The following HHAT variants were observed in gnomAD, a reference collection of about 807,000 sequenced individuals.
The protein encoded by HHAT is hedgehog acyltransferase, also known as protein-cysteine N-palmitoyltransferase HHAT.
Under a neutral mutation model 70.8 loss-of-function variants are expected in HHAT, and 47 were observed. That is an observed-to-expected ratio of 0.66 (90% CI 0.53 to 0.85). The LOEUF is 0.85. HHAT is among the 40% of genes least tolerant of loss of function. The probability of loss-of-function intolerance (pLI) is 0.00; values close to 1 mark genes in which losing one functional copy is unlikely to be tolerated. For synonymous variants in HHAT, 228 were observed against 247.6 expected (o/e 0.92, Z 0.74); for missense variants, 609 against 604.8 (o/e 1.01, Z -0.07).
intron 11 of HHAT, among the ~76,000 whole-genome samples, chr1:210,667,139 T>C (rs969408960): frequency 1.3e-5 from 2 of 151,528 alleles, no homozygotes; most frequent in Non-Finnish European, 2.9e-5. Context: ...TCCCACCACT[T>C]TGAGAGGCCA....
At chr1:210,431,698 A>G (rs1168114449) in intron 7 of HHAT, among the ~76,000 whole-genome samples, 2 of 151,756 alleles carry the variant, frequency 1.3e-5, no homozygotes, top group Non-Finnish European at 2.9e-5. Flanking sequence ...TCATCCCATG[A>G]TTAGTTGTAA....
At chr1:210,540,102 C>T (rs2095412968) in intron 9 of HHAT, among the ~76,000 whole-genome samples, 1 of 152,168 alleles carries the variant, frequency 6.6e-6, no homozygotes, top group Non-Finnish European at 1.5e-5. Flanking sequence ...AATAGCCACC[C>T]TGATGACTTG....
At chr1:210,350,519 A>G (rs2086919432) in intron 2 of HHAT, among the ~76,000 whole-genome samples, 1 of 152,050 alleles carries the variant, frequency 6.6e-6, no homozygotes, top group African/African-American at 2.4e-5. Context: ...TCAGTATTTC[A>G]TTTTTTGGGT....
intron 11 of HHAT, among the ~76,000 whole-genome samples, chr1:210,657,700 C>T (rs1048234925): frequency 6.6e-6 from 1 of 152,230 alleles, no homozygotes; most frequent in Admixed American, 6.5e-5. Context: ...ACTCTCTTTC[C>T]TTTCCCTTTC....
chr1:210,587,967 AT>A lies in HHAT; in HGVS notation c.1116del (p.Phe372LeufsTer4). ...LGTLFSTAMT[F>X]AFVSYWHGGY... ...GGACACTGTTTTCCACGGCGATGACATTTGCATTTGTGAGCTACTGGCATGG... is the reference window on the plus strand; with the variant it reads ...GGACACTGTTTTCCACGGCGATGACATTGCATTTGTGAGCTACTGGCATGG... On this transcript the variant is annotated frameshift_variant, in exon 10 of 12. Transcript: ENST00000261458. LOFTEE classifies it high-confidence loss of function. The A allele has an allele frequency of 1.9e-6, 3 of 1,614,040 alleles. No individual in the cohort carries two copies. The highest frequency in any genetic ancestry group is 2.5e-6 in the Non-Finnish European group (3 of 1,180,000).
At chr1:210,332,432 A>G (rs1398518068) in intron 1 of HHAT, among the ~76,000 whole-genome samples, 1 of 152,240 alleles carries the variant, frequency 6.6e-6, no homozygotes, top group Non-Finnish European at 1.5e-5. Flanking sequence ...GTCAACCCAG[A>G]TTGCGTACCG....
intron 9 of HHAT, among the ~76,000 whole-genome samples, chr1:210,531,451 A>G (rs1471017049): frequency 6.6e-6 from 1 of 152,220 alleles, no homozygotes; most frequent in Non-Finnish European, 1.5e-5. Context: ...GAACCCAGGC[A>G]GAGGACTGGA....
intron 7 of HHAT, among the ~76,000 whole-genome samples, chr1:210,430,977 T>C (rs2093226235): frequency 6.6e-6 from 1 of 151,880 alleles, no homozygotes; most frequent in African/African-American, 2.4e-5. Context: ...TAATTCTACA[T>C]CTGCAATCTT....
chr1:210,644,163 T>C (rs1558341053), intron 11 of HHAT, among the ~76,000 whole-genome samples: 2 of 152,202 alleles, frequency 1.3e-5, no homozygotes, highest in Non-Finnish European at 2.9e-5. Flanking sequence ...GTAACATTAC[T>C]TGTATACAAC....
intron 7 of HHAT, among the ~76,000 whole-genome samples, chr1:210,423,143 A>T (rs1572336500): frequency 6.6e-6 from 1 of 152,208 alleles, no homozygotes; most frequent in Non-Finnish European, 1.5e-5. Flanking sequence ...AAGGACTTCC[A>T]TACTGTTCCC....
At chr1:210,410,202 G>C (rs2092481858) in intron 6 of HHAT, among the ~76,000 whole-genome samples, 1 of 151,748 alleles carries the variant, frequency 6.6e-6, no homozygotes, top group South Asian at 2.1e-4. Flanking sequence ...ACAGGTGCCA[G>C]CCACCACGCC....
chr1:210,542,041 G>A (rs958828245), intron 9 of HHAT, among the ~76,000 whole-genome samples: 24 of 152,290 alleles, frequency 1.6e-4, no homozygotes, highest in African/African-American at 5.8e-4. Context: ...CCTTCCTTCT[G>A]CTTTCTCTTT....
chr1:210,524,162 C>G (rs4845041), intron 9 of HHAT, among the ~76,000 whole-genome samples: 29,268 of 152,192 alleles, frequency 0.19, 3,382 homozygotes, highest in African/African-American at 0.32. Flanking sequence ...TGGAGATCCA[C>G]TGTACAGCGT....
chr1:210,402,119 A>T (rs1165706869), intron 5 of HHAT, among the ~76,000 whole-genome samples: 1 of 152,202 alleles, frequency 6.6e-6, no homozygotes, highest in Non-Finnish European at 1.5e-5. Context: ...TCAACCATCC[A>T]GAAGTGGGAG....
At chr1:210,428,785 T>C (rs1322189786) in intron 7 of HHAT, among the ~76,000 whole-genome samples, 1 of 151,758 alleles carries the variant, frequency 6.6e-6, no homozygotes, top group Non-Finnish European at 1.5e-5. Context: ...GAGACCAGCC[T>C]GGGCAAGATG....
chr1:210,377,136 G>A (rs1162533536), intron 3 of HHAT, among the ~76,000 whole-genome samples: 2 of 152,156 alleles, frequency 1.3e-5, no homozygotes, highest in Non-Finnish European at 2.9e-5. Context: ...TTCCTTCCAC[G>A]TTATTGTGAC....
chr1:210,465,061 T>C (rs2094071342), intron 8 of HHAT, among the ~76,000 whole-genome samples: 1 of 152,240 alleles, frequency 6.6e-6, no homozygotes, highest in African/African-American at 2.4e-5. Context: ...TGTTGCAGTA[T>C]ACTATTTACT....
chr1:210,429,664 A>G (rs1386602939), intron 7 of HHAT, among the ~76,000 whole-genome samples: 1 of 151,694 alleles, frequency 6.6e-6, no homozygotes, highest in African/African-American at 2.4e-5. Flanking sequence ...GGATGCGTAT[A>G]ATGTCAGGTG....
intron 10 of HHAT, among the ~76,000 whole-genome samples, chr1:210,614,312 T>G (rs1244551242): frequency 6.6e-6 from 1 of 152,128 alleles, no homozygotes; most frequent in African/African-American, 2.4e-5. Context: ...TTTGGTAGAA[T>G]TTTTAGGGTT....
Sources: allele counts gnomAD v4.1 joint callset (sites outside exome capture counted in the v4.1 genomes callset), GRCh38; gene constraint gnomAD v4.1.1; transcripts MANE v1.5; gene names NCBI Gene and HGNC (gene_info 2026-07-23, HGNC 2026-07-21).